The following AHCYL2 variants were observed in gnomAD, a reference collection of about 807,000 sequenced individuals.
AHCYL2 encodes the protein S-adenosylhomocysteine hydrolase-like protein 2.
AHCYL2 carries 28 observed loss-of-function variants against 81.4 expected under a neutral mutation model. That is an observed-to-expected ratio of 0.34 (90% CI 0.25 to 0.47). The LOEUF (loss-of-function observed/expected upper bound fraction) is 0.47, where lower values mean the gene tolerates loss of function less well. AHCYL2 is among the 20% of genes least tolerant of loss of function. The pLI is 1.00. For synonymous variants in AHCYL2, 272 were observed against 290.2 expected, an observed-to-expected ratio of 0.94 and a Z score of 0.64; for missense variants, 551 against 785.1, an observed-to-expected ratio of 0.70 and a Z score of 3.56.
At chr7:129,414,169 C>A (rs921733253) in intron 12 of AHCYL2, among the ~76,000 whole-genome samples, 3 of 152,112 alleles carry the variant, frequency 2.0e-5, no homozygotes, top group Admixed American at 6.6e-5. Flanking sequence ...TCAAATACTG[C>A]GGTTTCTTCT....
chr7:129,240,253 G>A (rs1346269090), intron 1 of AHCYL2, among the ~76,000 whole-genome samples: 1 of 151,338 alleles, frequency 6.6e-6, no homozygotes, highest in Admixed American at 6.6e-5. Flanking sequence ...CATCTCCACA[G>A]AGAGTCTTCT....
At chr7:129,408,904 A>C (rs1194934051) in intron 10 of AHCYL2, among the ~76,000 whole-genome samples, 1 of 152,124 alleles carries the variant, frequency 6.6e-6, no homozygotes, top group East Asian at 1.9e-4. Context: ...TAGTAGAAGA[A>C]ATCAAATAAT....
chr7:129,293,243 A>G (rs2150753268), intron 1 of AHCYL2, among the ~76,000 whole-genome samples: 1 of 152,324 alleles, frequency 6.6e-6, no homozygotes, highest in African/African-American at 2.4e-5. Context: ...CTAAGAAATA[A>G]TAAATGCTAA....
At chr7:129,386,042 C>G (rs1795184777) in intron 2 of AHCYL2, among the ~76,000 whole-genome samples, 1 of 152,118 alleles carries the variant, frequency 6.6e-6, no homozygotes, top group Non-Finnish European at 1.5e-5. Flanking sequence ...AATAACCTTT[C>G]CACTGTGTTT....
intron 1 of AHCYL2, among the ~76,000 whole-genome samples, chr7:129,315,859 G>A (rs1015755706): frequency 2.6e-5 from 4 of 152,200 alleles, no homozygotes; most frequent in Admixed American, 6.5e-5. Flanking sequence ...AAAATTAGCC[G>A]TCAGCCATTT....
chr7:129,424,398 TAATCAATCAATC>T (rs143619970), intron 13 of AHCYL2, among the ~76,000 whole-genome samples: 11 of 151,650 alleles, frequency 7.3e-5, no homozygotes, highest in Admixed American at 1.3e-4. Context: ...AGACTCCATC[TAATCAATCAATC>T]AATCAATCAA....
chr7:129,373,266 C>T (rs1333561302), intron 1 of AHCYL2, among the ~76,000 whole-genome samples: 1 of 152,156 alleles, frequency 6.6e-6, no homozygotes. Flanking sequence ...AACTTATTGG[C>T]TGTGTGCGGC....
intron 1 of AHCYL2, among the ~76,000 whole-genome samples, chr7:129,230,433 T>C (rs756481774): frequency 5.7e-4 from 87 of 152,164 alleles, no homozygotes; most frequent in Non-Finnish European, 1.1e-3. Flanking sequence ...CCTTGTTTTA[T>C]TGAAGAAACT....
intron 2 of AHCYL2, among the ~76,000 whole-genome samples, chr7:129,383,617 A>G (rs560602024): frequency 1.3e-5 from 2 of 152,174 alleles, no homozygotes; most frequent in African/African-American, 4.8e-5. Context: ...TGGCTTCCCA[A>G]TCTCACTCTT....
intron 1 of AHCYL2, among the ~76,000 whole-genome samples, chr7:129,261,450 A>G (rs1279807512): frequency 6.6e-6 from 1 of 152,240 alleles, no homozygotes; most frequent in Admixed American, 6.5e-5. Context: ...TAAATCTATC[A>G]CTTAACTAGC....
At chr7:129,267,551 C>T (rs1213159973) in intron 1 of AHCYL2, among the ~76,000 whole-genome samples, 4 of 152,048 alleles carry the variant, frequency 2.6e-5, no homozygotes, top group Non-Finnish European at 5.9e-5. Context: ...GTCATCTGCC[C>T]ACCTTGGCCT....
chr7:129,390,789 G>GTC (rs1388465443), intron 4 of AHCYL2, among the ~76,000 whole-genome samples: 1 of 152,190 alleles, frequency 6.6e-6, no homozygotes, highest in African/African-American at 2.4e-5. Flanking sequence ...ACTGGATCAT[G>GTC]TATCTGTGCT....
Position 129,242,682 on chromosome 7 carries a change from A to T in AHCYL2, c.363+17243A>T, listed in dbSNP as rs546566902. 3.3e-5 allele frequency among the ~76,000 whole-genome samples: 5 copies of T among 149,358 alleles called. No individual in the cohort carries two copies. The East Asian group carries it at 1.0e-3, about 30-fold the overall frequency. The stretch of plus-strand genomic sequence containing the variant: ...CAGTGAGCTGAGATCGTGCCATTGC[A>T]CTCCACCTGGGTGACAGTGTGAGAC... On this transcript the variant is annotated intron_variant, in intron 1 of 16. Transcript: ENST00000325006.
intron 1 of AHCYL2, among the ~76,000 whole-genome samples, chr7:129,317,531 A>G (rs1334088663): frequency 6.6e-6 from 1 of 152,160 alleles, no homozygotes; most frequent in East Asian, 1.9e-4. Context: ...AGTTGAGAAA[A>G]TCCCAGCCAT....
At chr7:129,370,589 T>C (rs1794354604) in intron 1 of AHCYL2, among the ~76,000 whole-genome samples, 1 of 152,134 alleles carries the variant, frequency 6.6e-6, no homozygotes, top group Non-Finnish European at 1.5e-5. Context: ...TCCCAGCTAC[T>C]CTGGAGGCTG....
intron 1 of AHCYL2, among the ~76,000 whole-genome samples, chr7:129,298,475 A>C (rs1259011574): frequency 6.6e-6 from 1 of 152,232 alleles, no homozygotes; most frequent in Non-Finnish European, 1.5e-5. Flanking sequence ...TTCACTTGGC[A>C]TTTCATGAGG....
chr7:129,392,355 G>T (rs952515647), intron 4 of AHCYL2, among the ~76,000 whole-genome samples: 7 of 152,184 alleles, frequency 4.6e-5, no homozygotes, highest in Non-Finnish European at 8.8e-5. Flanking sequence ...AGATCAAGGC[G>T]CCAGCAGATT....
chr7:129,308,661 C>A (rs2150772635), intron 1 of AHCYL2, among the ~76,000 whole-genome samples: 1 of 152,262 alleles, frequency 6.6e-6, no homozygotes, highest in East Asian at 1.9e-4. Flanking sequence ...CATGTCTTCT[C>A]AGGAGAAGAT....
chr7:129,267,255 G>GTGTGTA (rs1795846184), intron 1 of AHCYL2, among the ~76,000 whole-genome samples: 1 of 151,894 alleles, frequency 6.6e-6, no homozygotes, highest in Non-Finnish European at 1.5e-5. Flanking sequence ...GTGTGTGTGT[G>GTGTGTA]TGTGTGTGTG....
Sources: gnomAD v4.1 joint callset for allele counts (sites outside exome capture counted in the v4.1 genomes callset) on GRCh38, gnomAD v4.1.1 for gene constraint, MANE v1.5 for transcripts, NCBI Gene and HGNC (gene_info 2026-07-23, HGNC 2026-07-21) for gene names.